The following CCDC170 variants were observed in gnomAD, a reference collection of about 807,000 sequenced individuals.
CCDC170 encodes coiled-coil domain containing 170, also known as coiled-coil domain-containing protein 170.
CCDC170 carries 69 observed loss-of-function variants against 72.6 expected under a neutral mutation model. The ratio of observed to expected loss-of-function variants is 0.95; its 90% confidence interval spans 0.78 to 1.16. The LOEUF (loss-of-function observed/expected upper bound fraction) is 1.16, where lower values mean the gene tolerates loss of function less well. CCDC170 is among the 50% of genes most tolerant of loss of function. CCDC170 has a pLI of 0.00. For missense variants in CCDC170, 852 were observed against 832.5 expected (o/e 1.02, Z -0.29); for synonymous variants, 300 against 303.9 (o/e 0.99, Z 0.13).
rs565317894 is a variant in CCDC170, at chr6:151,608,313, G to T, written c.1711-7130G>T. ...ATTCTTTGTCAAGCATTTCATAGAG[G>T]TCCTTTTCTTTGGGATTTGTTACTG... On this transcript the variant is annotated intron_variant, in intron 9 of 10. Transcript: ENST00000239374. 3.3e-5 allele frequency among the ~76,000 whole-genome samples: 5 copies of T among 152,156 alleles called. No homozygotes were observed. The South Asian group carries it at 8.3e-4, about 25-fold the overall frequency.
intron 6 of CCDC170, among the ~76,000 whole-genome samples, chr6:151,581,235 C>T (rs1359760872): frequency 2.0e-5 from 3 of 152,308 alleles, no homozygotes; most frequent in South Asian, 2.1e-4. Flanking sequence ...GCTTTACCAA[C>T]AGCAGAACTT....
chr6:151,593,766 C>G (rs1339552891), intron 8 of CCDC170, among the ~76,000 whole-genome samples: 1 of 151,074 alleles, frequency 6.6e-6, no homozygotes, highest in African/African-American at 2.4e-5. Flanking sequence ...TGCAAAAGAA[C>G]AAGCAGAGGC....
intron 4 of CCDC170, among the ~76,000 whole-genome samples, chr6:151,545,381 C>T (rs1782755484): frequency 1.3e-5 from 2 of 151,970 alleles, no homozygotes; most frequent in African/African-American, 2.4e-5. Flanking sequence ...CCACTGCACT[C>T]CACCTGGGCC....
chr6:151,617,328 T>C (rs906521792), intron 10 of CCDC170, among the ~76,000 whole-genome samples: 1 of 151,170 alleles, frequency 6.6e-6, no homozygotes, highest in Admixed American at 6.6e-5. Flanking sequence ...GCTTGTGAAA[T>C]GGCAATCTGT....
intron 1 of CCDC170, among the ~76,000 whole-genome samples, chr6:151,535,470 T>C (rs1782560784): frequency 6.6e-6 from 1 of 152,212 alleles, no homozygotes; most frequent in Non-Finnish European, 1.5e-5. Context: ...TATGAGGTTA[T>C]GAGACTGAGT....
At position 151,545,545 on chromosome 6, in the gene CCDC170, T is replaced by A. The variant is rs531265069; in HGVS notation, c.588+829T>A. ...GCTTCATTAGGGTACCTGAAAGTAT[T>A]TGGTTCTCTTTGGCTATTTACAAAC... is the stretch of plus-strand genomic sequence containing the variant. On this transcript the variant is annotated intron_variant, in intron 4 of 10. Transcript: ENST00000239374. Among the ~76,000 whole-genome samples the A allele has an allele frequency of 2.0e-3, 311 of 152,304 alleles. 4 individuals are homozygous for A. Among genetic ancestry groups the A allele is most frequent in the African/African-American group, 7.3e-3 (302 of 41,580 alleles).
rs1442209518 is a variant in CCDC170, at chr6:151,621,126, T to TAAG, written c.*2980_*2982dup. ...ACATGTATACAGTCCATATACACAT[T>TAAG]AAGTGTTTGTCATTTGGACAAATTG... On this transcript the variant is annotated 3_prime_UTR_variant, in exon 11 of 11. Transcript: ENST00000239374. The TAAG allele has an allele frequency of 6.6e-6, 1 of 152,204 alleles. No individual in the cohort carries two copies. The highest frequency in any genetic ancestry group is 1.5e-5 in the Non-Finnish European group (1 of 68,036). 9.4% of individuals were successfully genotyped at this position (152,204 alleles called of 1,614,324 possible). A position where few individuals can be genotyped will look rare whatever the true frequency, so the allele number is the denominator to read the frequency against.
chr6:151,568,140 A>G (rs1261672122), intron 5 of CCDC170, among the ~76,000 whole-genome samples: 3 of 143,298 alleles, frequency 2.1e-5, no homozygotes, highest in East Asian at 4.1e-4. Flanking sequence ...AAGGGAGTCT[A>G]TGGTATTTGG....
chr6:151,518,233 G>A (rs1054919852), intron 1 of CCDC170, among the ~76,000 whole-genome samples: 11 of 152,114 alleles, frequency 7.2e-5, no homozygotes, highest in Admixed American at 2.0e-4. Flanking sequence ...AGTGTTGCAA[G>A]CTATCTTTCT....
intron 1 of CCDC170, among the ~76,000 whole-genome samples, chr6:151,505,363 C>A (rs899821396): frequency 4.6e-5 from 7 of 152,112 alleles, no homozygotes; most frequent in Admixed American, 1.3e-4. Flanking sequence ...GGGTCCCATA[C>A]GGATTGTTCT....
chr6:151,585,958 C>T lies in CCDC170; in HGVS notation c.1162C>T (p.Gln388Ter), dbSNP rs776915665. ...EQLGKESGFH[Q>*]KALQRAQKAE... ...GTTGGGAAAGGAGTCTGGGTTTCAC[C>T]AGAAAGCTCTCCAGAGGGCCCAGAA... Residue 388 changes from glutamine to a stop codon, truncating the protein, a stop_gained, in exon 7 of 11, where the codon CAG (glutamine) becomes TAG (stop). Transcript: ENST00000239374. LOFTEE classifies it high-confidence loss of function. 7 of 1,613,930 alleles carry T rather than the reference C, an allele frequency of 4.3e-6. No homozygotes were observed. The highest frequency in any genetic ancestry group is 5.9e-6 in the Non-Finnish European group (7 of 1,179,954).
At chr6:151,575,807 C>T (rs1247125442) in intron 6 of CCDC170, among the ~76,000 whole-genome samples, 2 of 151,944 alleles carry the variant, frequency 1.3e-5, no homozygotes, top group Non-Finnish European at 2.9e-5. Flanking sequence ...GGATTATAGG[C>T]GTGAGCCACC....
intron 3 of CCDC170, among the ~76,000 whole-genome samples, chr6:151,544,120 C>T (rs1325898750): frequency 6.6e-6 from 1 of 152,122 alleles, no homozygotes; most frequent in Non-Finnish European, 1.5e-5. Flanking sequence ...AACCAGGACC[C>T]TTATAAATCA....
At chr6:151,547,934 G>C (rs1171847237) in intron 4 of CCDC170, among the ~76,000 whole-genome samples, 1 of 152,214 alleles carries the variant, frequency 6.6e-6, no homozygotes, top group Non-Finnish European at 1.5e-5. Context: ...GTGCCACATG[G>C]TGACTTGACT....
At chr6:151,554,314 A>AT (rs1383042407) in intron 5 of CCDC170, among the ~76,000 whole-genome samples, 2 of 152,244 alleles carry the variant, frequency 1.3e-5, no homozygotes, top group African/African-American at 4.8e-5. Flanking sequence ...GTTGCATTTA[A>AT]TTCTACTAGC....
At chr6:151,539,478 C>T (rs1782647360) in intron 3 of CCDC170, among the ~76,000 whole-genome samples, 1 of 152,096 alleles carries the variant, frequency 6.6e-6, no homozygotes, top group Admixed American at 6.6e-5. Context: ...TTTACACATG[C>T]CTAGGTTTTT....
intron 5 of CCDC170, among the ~76,000 whole-genome samples, chr6:151,571,695 C>A (rs905397647): frequency 7.2e-5 from 11 of 152,020 alleles, no homozygotes; most frequent in African/African-American, 2.2e-4. Flanking sequence ...CCATTGTACT[C>A]CAGCCTGGGC....
intron 1 of CCDC170, among the ~76,000 whole-genome samples, chr6:151,528,999 G>A (rs1782452796): frequency 6.6e-6 from 1 of 151,996 alleles, no homozygotes; most frequent in African/African-American, 2.4e-5. Context: ...TATTGAAAAA[G>A]TCAAACCACT....
intron 1 of CCDC170, among the ~76,000 whole-genome samples, chr6:151,527,199 A>G (rs1163097393): frequency 6.6e-6 from 1 of 151,864 alleles, no homozygotes; most frequent in Admixed American, 6.6e-5. Context: ...GCTTAGCCAT[A>G]TTAGAAGGAT....
Sources: allele counts gnomAD v4.1 joint callset (sites outside exome capture counted in the v4.1 genomes callset), GRCh38; gene constraint gnomAD v4.1.1; transcripts MANE v1.5; gene names NCBI Gene and HGNC (gene_info 2026-07-23, HGNC 2026-07-21).